The following SLC2A9 variants were observed in gnomAD, a reference collection of about 807,000 sequenced individuals.
The protein encoded by SLC2A9 is solute carrier family 2, facilitated glucose transporter member 9.
A neutral mutation model predicts 50.6 loss-of-function variants in SLC2A9; 39 were observed. That is an observed-to-expected ratio of 0.77 (90% CI 0.60 to 1.01). The LOEUF is 1.01. Among genes scored for constraint, SLC2A9 ranks in the 50% least tolerant of loss-of-function variants. The pLI is 0.00. For missense variants in SLC2A9, 686 were observed against 677.6 expected (o/e 1.01, Z -0.14); for synonymous variants, 324 against 276.9 (o/e 1.17, Z -1.69).
At chr4:9,864,729 T>C (rs1732173493) in intron 10 of SLC2A9, among the ~76,000 whole-genome samples, 1 of 152,226 alleles carries the variant, frequency 6.6e-6, no homozygotes, top group Non-Finnish European at 1.5e-5. Context: ...CCATTTCATA[T>C]TTCCATTTTC....
chr4:9,925,367 G>A (rs973576308), intron 6 of SLC2A9, among the ~76,000 whole-genome samples: 11 of 152,128 alleles, frequency 7.2e-5, no homozygotes, highest in South Asian at 6.2e-4. Context: ...TGTCTGGGGC[G>A]TTCTGTCTGC....
At chr4:9,827,988 T>C (rs1325323257) in intron 11 of SLC2A9, among the ~76,000 whole-genome samples, 2 of 152,176 alleles carry the variant, frequency 1.3e-5, no homozygotes, top group Non-Finnish European at 1.5e-5. Flanking sequence ...TGAAATGAGA[T>C]ATATCAATTT....
chr4:9,977,432 C>A (rs1016353087), intron 5 of SLC2A9, among the ~76,000 whole-genome samples: 2 of 152,074 alleles, frequency 1.3e-5, no homozygotes, highest in African/African-American at 4.8e-5. Context: ...CCTCAAGCAG[C>A]CACAGGTCCT....
chr4:9,790,669 T>A (rs2108882523), intron 3 of SLC2A9, among the ~76,000 whole-genome samples: 1 of 152,330 alleles, frequency 6.6e-6, no homozygotes, highest in South Asian at 2.1e-4. Context: ...CCTAAACCTG[T>A]CTGTCCTAGA....
At position 9,845,427 on chromosome 4, in the gene SLC2A9, C is replaced by CTTTTTTTTTTTTTTTTTTTT. The variant is rs1175166447; in HGVS notation, c.1292-10439_1292-10420dup. ...CCAATGGAACCACGATCATCAATTT[C>CTTTTTTTTTTTTTTTTTTTT]TTTTTTTTTTTTTTTTTTTTGAGAC... On this transcript the variant is annotated intron_variant, in intron 10 of 11. Transcript: ENST00000264784. 4.8e-4 allele frequency among the ~76,000 whole-genome samples: 52 copies of CTTTTTTTTTTTTTTTTTTTT among 108,672 alleles called. 4 individuals are homozygous for CTTTTTTTTTTTTTTTTTTTT. The highest frequency in any genetic ancestry group is 9.4e-4 in the African/African-American group (23 of 24,530). 71.3% of individuals were successfully genotyped at this position (108,672 alleles called of 152,430 possible). A position where few individuals can be genotyped will look rare whatever the true frequency, so the allele number is the denominator to read the frequency against.
intron 2 of SLC2A9, among the ~76,000 whole-genome samples, chr4:10,008,831 G>C (rs1300054761): frequency 6.6e-6 from 1 of 151,570 alleles, no homozygotes; most frequent in Non-Finnish European, 1.5e-5. Flanking sequence ...ATACAAATGA[G>C]AGAGATCATC....
chr4:9,890,251 G>A (rs1008671191), intron 9 of SLC2A9, among the ~76,000 whole-genome samples: 9 of 152,312 alleles, frequency 5.9e-5, no homozygotes, highest in African/African-American at 1.9e-4. Context: ...TGGCACTCAT[G>A]CTGGGAGGTG....
intron 5 of SLC2A9, among the ~76,000 whole-genome samples, chr4:9,975,846 T>G (rs559572266): frequency 8.5e-5 from 13 of 152,274 alleles, no homozygotes. Flanking sequence ...GAAATTAACT[T>G]AAGTGTCCAT....
intron 10 of SLC2A9, among the ~76,000 whole-genome samples, chr4:9,837,290 G>A (rs1425861184): frequency 1.3e-5 from 2 of 152,214 alleles, no homozygotes; most frequent in Non-Finnish European, 2.9e-5. Flanking sequence ...TGAACTGTGT[G>A]AGAATAATGG....
At position 9,855,605 on chromosome 4, in the gene SLC2A9, G is replaced by GA. The variant is rs1242115535; in HGVS notation, c.1292-20598dup. On this transcript the variant is annotated intron_variant, in intron 10 of 11. Transcript: ENST00000264784. The stretch of plus-strand genomic sequence containing the variant: ...ATCAATGACATCCTTCACAGAATTA[G>GA]AAAAAACTATTATAAAATTAATATA... Among the ~76,000 whole-genome samples, 21 of 152,154 alleles carry GA rather than the reference G, an allele frequency of 1.4e-4. 1 individual carries two copies. Among genetic ancestry groups the GA allele is most frequent in the African/African-American group, 4.8e-4 (20 of 41,540 alleles).
chr4:10,013,780 T>A (rs1163455494), intron 2 of SLC2A9, among the ~76,000 whole-genome samples: 1 of 152,134 alleles, frequency 6.6e-6, no homozygotes. Context: ...GCCCTGAAGG[T>A]AAATGCCCAC....
chr4:9,789,335 C>T lies in SLC2A9; in HGVS notation n.386-9270G>A, dbSNP rs528693830. On this transcript the variant is annotated intron_variant and non_coding_transcript_variant, in intron 3 of 3. Coordinates refer to the SLC2A9 transcript ENST00000503803. Reference sequence around the variant, plus strand: ...ATGTGGAATGTGTAAGGGCATTATACAATGAGAATTTAGAAATGGTCTTCT... The same window carrying T: ...ATGTGGAATGTGTAAGGGCATTATATAATGAGAATTTAGAAATGGTCTTCT... Among the ~76,000 whole-genome samples, 15 of 152,312 alleles carry T rather than the reference C, an allele frequency of 9.8e-5. No individual in the cohort carries two copies. The South Asian group carries it at 1.9e-3, about 19-fold the overall frequency.
chr4:9,783,542 C>A, intron 3 of SLC2A9: 3 of 1,306,976 alleles, frequency 2.3e-6, no homozygotes, highest in Non-Finnish European at 3.2e-6. Context: ...CAAATACATG[C>A]CTTTCCAGTG....
rs144511709 is a variant in SLC2A9 at position 9,992,539 on chromosome 4, C to G, written c.410+4242G>C. Among the ~76,000 whole-genome samples the G allele has an allele frequency of 4.6e-5, 7 of 152,304 alleles. No individual in the cohort carries two copies. The East Asian group carries it at 1.4e-3, about 29-fold the overall frequency. On this transcript the variant is annotated intron_variant, in intron 3 of 11. Transcript: ENST00000264784. ...CTGGTTGAGAACCCTTGAACGCATG[C>G]AACCTCGCTCAAGTCAAAGAGATTC...
At chr4:9,994,919 T>G (rs1297979231) in intron 3 of SLC2A9, among the ~76,000 whole-genome samples, 2 of 152,094 alleles carry the variant, frequency 1.3e-5, no homozygotes, top group Admixed American at 6.5e-5. Context: ...GGGTCTGGCT[T>G]GGGCAGGAGG....
At chr4:9,817,282 C>G (rs1168494105) in intron 3 of SLC2A9, among the ~76,000 whole-genome samples, 1 of 152,182 alleles carries the variant, frequency 6.6e-6, no homozygotes, top group Non-Finnish European at 1.5e-5. Context: ...TAGGATTACG[C>G]CCTGGACATC....
chr4:9,785,199 C>T (rs1331447602), intron 3 of SLC2A9, among the ~76,000 whole-genome samples: 1 of 152,168 alleles, frequency 6.6e-6, no homozygotes, highest in Non-Finnish European at 1.5e-5. Flanking sequence ...CTTTCTGGGC[C>T]TCATTTTCTG....
intron 1 of SLC2A9, among the ~76,000 whole-genome samples, chr4:9,772,707 T>G (rs7667899): frequency 6.6e-6 from 1 of 152,082 alleles, no homozygotes; most frequent in African/African-American, 2.4e-5. Flanking sequence ...TTATGTAGCA[T>G]TGCTGTAAAA....
At chr4:9,985,568 CAG>C (rs1756563506) in intron 4 of SLC2A9, 99 bp downstream of exon 4, 1 of 1,504,548 alleles carries the variant, frequency 6.6e-7, no homozygotes, top group Admixed American at 1.9e-5. Context: ...TCAATGCCAG[CAG>C]AGAGCCCCAG....
Sources: allele counts gnomAD v4.1 joint callset (sites outside exome capture counted in the v4.1 genomes callset), GRCh38; gene constraint gnomAD v4.1.1; transcripts MANE v1.5; gene names NCBI Gene and HGNC (gene_info 2026-07-23, HGNC 2026-07-21).